Variants in ZNF804A observed in about 807,000 individuals in gnomAD.
ZNF804A encodes the protein zinc finger protein 804A.
Under a neutral mutation model 16.5 loss-of-function variants are expected in ZNF804A, and 2 were observed. The observed-to-expected ratio is 0.12, with a 90% CI of 0.05 to 0.38. ZNF804A has a LOEUF of 0.38. Ranked by LOEUF, ZNF804A falls within the 10% of genes least tolerant of loss-of-function variation. The pLI is 0.99. For synonymous variants in ZNF804A, 534 were observed against 489.6 expected, an observed-to-expected ratio of 1.09 and a Z score of -1.20; for missense variants, 1,473 against 1,390.7, an observed-to-expected ratio of 1.06 and a Z score of -0.94.
At chr2:184,783,154 T>TTTTG (rs1694398871) in intron 1 of ZNF804A, among the ~76,000 whole-genome samples, 1 of 144,286 alleles carries the variant, frequency 6.9e-6, no homozygotes, top group Admixed American at 7.0e-5. Flanking sequence ...TTTTTTTTTT[T>TTTTG]TTTTTTTTTA....
chr2:184,888,381 A>G (rs1684929229), intron 2 of ZNF804A, among the ~76,000 whole-genome samples: 1 of 152,164 alleles, frequency 6.6e-6, no homozygotes, highest in African/African-American at 2.4e-5. Flanking sequence ...TAAGAGATGT[A>G]ATATATGTGT....
chr2:184,729,837 A>C (rs1340969379), intron 1 of ZNF804A, among the ~76,000 whole-genome samples: 1 of 152,142 alleles, frequency 6.6e-6, no homozygotes, highest in East Asian at 1.9e-4. Flanking sequence ...TGGCACACTG[A>C]ACTATTCAAA....
At chr2:184,815,478 A>G (rs187415347) in intron 1 of ZNF804A, among the ~76,000 whole-genome samples, 1 of 151,970 alleles carries the variant, frequency 6.6e-6, no homozygotes, top group East Asian at 1.9e-4. Context: ...TGGACATTAT[A>G]ATAAAATAGT....
chr2:184,813,908 A>T (rs1334233165), intron 1 of ZNF804A, among the ~76,000 whole-genome samples: 3 of 145,018 alleles, frequency 2.1e-5, no homozygotes, highest in Non-Finnish European at 3.0e-5. Context: ...TCCCTTCTGG[A>T]TGCCTTCAGT....
intron 2 of ZNF804A, among the ~76,000 whole-genome samples, chr2:184,929,483 A>G (rs184941990): frequency 5.7e-4 from 86 of 152,080 alleles, no homozygotes; most frequent in African/African-American, 1.7e-3. Flanking sequence ...ATATGTTTAT[A>G]TATATGTGTG....
intron 1 of ZNF804A, among the ~76,000 whole-genome samples, chr2:184,786,634 A>G (rs1441298829): frequency 1.3e-5 from 2 of 151,912 alleles, no homozygotes; most frequent in South Asian, 2.1e-4. Context: ...TTTTATTCTG[A>G]TATTTTTACT....
At chr2:184,917,315 T>A (rs1685463968) in intron 2 of ZNF804A, among the ~76,000 whole-genome samples, 1 of 152,192 alleles carries the variant, frequency 6.6e-6, no homozygotes, top group Non-Finnish European at 1.5e-5. Flanking sequence ...CCCCAGAAGA[T>A]AATTTAAAGT....
intron 2 of ZNF804A, among the ~76,000 whole-genome samples, chr2:184,895,851 ATGTAT>A (rs1685056604): frequency 6.6e-6 from 1 of 152,178 alleles, no homozygotes; most frequent in African/African-American, 2.4e-5. Flanking sequence ...TCTTCACAAA[ATGTAT>A]TGTTTTTGCT....
chr2:184,931,850 C>T (rs1199514216), intron 2 of ZNF804A, among the ~76,000 whole-genome samples: 4 of 152,144 alleles, frequency 2.6e-5, no homozygotes, highest in Non-Finnish European at 4.4e-5. Context: ...CAAAAAATAA[C>T]TTTGTGAATA....
chr2:184,722,320 G>A (rs1211386931), intron 1 of ZNF804A, among the ~76,000 whole-genome samples: 3 of 151,946 alleles, frequency 2.0e-5, no homozygotes, highest in Non-Finnish European at 2.9e-5. Context: ...TCTTTATGCC[G>A]TGTTTAAGAT....
At chr2:184,694,993 C>T (rs1413658560) in intron 1 of ZNF804A, among the ~76,000 whole-genome samples, 1 of 152,172 alleles carries the variant, frequency 6.6e-6, no homozygotes, top group Non-Finnish European at 1.5e-5. Flanking sequence ...CAATTATTCA[C>T]TGCAGGCTCT....
chr2:184,725,232 T>C (rs114930029), intron 1 of ZNF804A, among the ~76,000 whole-genome samples: 35 of 151,750 alleles, frequency 2.3e-4, no homozygotes, highest in Non-Finnish European at 4.7e-4. Context: ...TAAGTATACA[T>C]AGAGAGTGCT....
chr2:184,854,216 A>C (rs1162579075), intron 1 of ZNF804A, among the ~76,000 whole-genome samples: 1 of 151,962 alleles, frequency 6.6e-6, no homozygotes, highest in Non-Finnish European at 1.5e-5. Context: ...ATGATGCCAC[A>C]AGTGGAAAAT....
chr2:184,855,941 A>G (rs945753880), intron 1 of ZNF804A, among the ~76,000 whole-genome samples: 1 of 152,094 alleles, frequency 6.6e-6, no homozygotes, highest in Non-Finnish European at 1.5e-5. Flanking sequence ...AGTAAGGAGA[A>G]ACAAATGACT....
rs182805218 is a variant in ZNF804A, at chr2:184,816,608, T to G, written c.112-49761T>G. 2.4e-3 allele frequency among the ~76,000 whole-genome samples: 359 copies of G among 152,172 alleles called. 5 individuals carry two copies. Among genetic ancestry groups the G allele is most frequent in the Non-Finnish European group, 4.1e-4 (28 of 67,956 alleles). On this transcript the variant is annotated intron_variant, in intron 1 of 3. Transcript: ENST00000302277. ...TGATCTTTAGAACTAATTTTTGCCATAAACATGGTCAAAACTGTCTCATTT... is the reference window on the plus strand; with the variant it reads ...TGATCTTTAGAACTAATTTTTGCCAGAAACATGGTCAAAACTGTCTCATTT...
intron 1 of ZNF804A, among the ~76,000 whole-genome samples, chr2:184,665,735 A>G (rs1270129378): frequency 1.3e-5 from 2 of 151,982 alleles, no homozygotes; most frequent in Non-Finnish European, 2.9e-5. Flanking sequence ...TGAGATCCCT[A>G]TTTTCTTGTT....
chr2:184,715,536 T>C (rs1035471744), intron 1 of ZNF804A, among the ~76,000 whole-genome samples: 4 of 152,006 alleles, frequency 2.6e-5, no homozygotes, highest in South Asian at 2.1e-4. Flanking sequence ...TACAGGCATA[T>C]GCCACCATGC....
rs576882768 is a variant in ZNF804A, at chr2:184,878,926, A to G, written c.255+12414A>G. Among the ~76,000 whole-genome samples the G allele has an allele frequency of 2.0e-3, 303 of 152,158 alleles. 1 individual carries two copies. Among genetic ancestry groups the G allele is most frequent in the African/African-American group, 7.0e-3 (291 of 41,558 alleles). ...TTTGATCATGAATAAAGTCTATGGA[A>G]TGGTTCATTTATTATGCTTACCTAT... On this transcript the variant is annotated intron_variant, in intron 2 of 3. Coordinates refer to ENST00000302277, the MANE Select transcript of ZNF804A (RefSeq NM_194250.2).
At chr2:184,856,447 A>G (rs868462481) in intron 1 of ZNF804A, among the ~76,000 whole-genome samples, 20 of 152,074 alleles carry the variant, frequency 1.3e-4, no homozygotes, top group African/African-American at 4.1e-4. Flanking sequence ...TTGTTATTCA[A>G]CCATTTACAC....
Sources: gnomAD v4.1 joint callset for allele counts (sites outside exome capture counted in the v4.1 genomes callset) on GRCh38, gnomAD v4.1.1 for gene constraint, MANE v1.5 for transcripts, NCBI Gene and HGNC (gene_info 2026-07-23, HGNC 2026-07-21) for gene names.